Variants in PDK3 observed in about 807,000 individuals in gnomAD.
PDK3 encodes the protein pyruvate dehydrogenase kinase 3.
Under a neutral mutation model 32.0 loss-of-function variants are expected in PDK3, and 12 were observed. The ratio of observed to expected loss-of-function variants is 0.37; its 90% CI spans 0.24 to 0.61. The LOEUF (loss-of-function observed/expected upper bound fraction) is 0.61, where lower values mean the gene tolerates loss of function less well. PDK3 is among the 20% of genes least tolerant of loss of function. The pLI, the probability that PDK3 is intolerant of heterozygous loss-of-function variation, is 0.65. For synonymous variants in PDK3, 122 were observed against 116.3 expected, an observed-to-expected ratio of 1.05 and a Z score of -0.31; for missense variants, 188 against 316.9, an observed-to-expected ratio of 0.59 and a Z score of 3.09.
chrX:24,537,390 C>T (rs1471465261), downstream of PDK3, among the ~76,000 whole-genome samples: 1 of 106,204 alleles, frequency 9.4e-6, no homozygotes, highest in African/African-American at 3.4e-5. Flanking sequence ...GCCTTGGCCT[C>T]CCAAAGTGCT....
chrX:24,465,945 A>G (rs1940060014), intron 1 of PDK3, among the ~76,000 whole-genome samples: 1 of 110,853 alleles, frequency 9.0e-6, no homozygotes, highest in Non-Finnish European at 1.9e-5. Context: ...TTGGGTAAGA[A>G]CTGTTTAGAA....
chrX:24,499,153 C>T (rs761400192), intron 3 of PDK3: 61 of 205,996 alleles, frequency 3.0e-4, no homozygotes, highest in African/African-American at 1.7e-3. Context: ...CCAAGGTGAA[C>T]TGGGCAGTCA....
At chrX:24,497,482 C>T (rs887651841) in intron 2 of PDK3, among the ~76,000 whole-genome samples, 2 of 111,629 alleles carry the variant, frequency 1.8e-5, no homozygotes, top group African/African-American at 3.3e-5. Flanking sequence ...GACGGGGTTT[C>T]GCCATGTTGG....
intron 2 of PDK3, among the ~76,000 whole-genome samples, chrX:24,496,489 T>G (rs1921704411): frequency 9.2e-6 from 1 of 109,168 alleles, no homozygotes; most frequent in Non-Finnish European, 1.9e-5. Context: ...TTGGGAAATT[T>G]AACATTGATA....
chrX:24,472,678 T>TC (rs1836004116), intron 1 of PDK3, among the ~76,000 whole-genome samples: 1 of 44,610 alleles, frequency 2.2e-5, no homozygotes, highest in Admixed American at 2.2e-4. Flanking sequence ...TTTCTTTCTT[T>TC]TTTTTTTTTT....
chrX:24,472,744 A>G (rs1476559387), intron 1 of PDK3, among the ~76,000 whole-genome samples: 5 of 88,590 alleles, frequency 5.6e-5, no homozygotes, highest in African/African-American at 2.3e-4. Flanking sequence ...CTGGAGTGCA[A>G]TGGTGCGATC....
chrX:24,475,521 T>G (rs1182718227), intron 1 of PDK3, among the ~76,000 whole-genome samples: 1 of 110,287 alleles, frequency 9.1e-6, no homozygotes, highest in Non-Finnish European at 1.9e-5. Flanking sequence ...TATCCAGGCA[T>G]AGTGGTGCAC....
chrX:24,548,177 T>C (rs1470934253), exon 12 of PDK3: 1 of 112,093 alleles, frequency 8.9e-6, no homozygotes. Context: ...AGTATTGTAA[T>C]CTCAGGAACA....
At chrX:24,503,552 A>G (rs374002799) in intron 4 of PDK3, 41 bp downstream of exon 4, 196 of 940,104 alleles carry the variant, frequency 2.1e-4, no homozygotes, top group Non-Finnish European at 2.6e-4. Context: ...AAAGGTAACC[A>G]TAGTGATTTC....
At chrX:24,495,217 T>G (rs189810153) in intron 2 of PDK3, among the ~76,000 whole-genome samples, 4 of 112,420 alleles carry the variant, frequency 3.6e-5, no homozygotes, top group African/African-American at 1.3e-4. Context: ...TGTAAAGACA[T>G]TCCTTGAAGT....
chrX:24,520,796 A>G (rs750256004), intron 6 of PDK3, among the ~76,000 whole-genome samples: 1 of 112,304 alleles, frequency 8.9e-6, no homozygotes, highest in Non-Finnish European at 1.9e-5. Flanking sequence ...GTAACTTACC[A>G]TAATTTATTT....
At chrX:24,513,061 G>A (rs1029287844) in intron 5 of PDK3, among the ~76,000 whole-genome samples, 1 of 111,193 alleles carries the variant, frequency 9.0e-6, no homozygotes, top group Non-Finnish European at 1.9e-5. Context: ...TTTTGCCCAC[G>A]ATCTTGATTC....
At chrX:24,537,440 T>A (rs1374037118), downstream of PDK3, among the ~76,000 whole-genome samples, 1 of 109,777 alleles carries the variant, frequency 9.1e-6, no homozygotes, top group African/African-American at 3.3e-5. Flanking sequence ...GCCCTGTTTC[T>A]TTTTAATCAG....
intron 1 of PDK3, among the ~76,000 whole-genome samples, chrX:24,467,876 A>G (rs1034721052): frequency 1.8e-5 from 2 of 111,843 alleles, no homozygotes; most frequent in African/African-American, 6.5e-5. Context: ...CAACGAGTTG[A>G]GGACCGTGAT....
intron 3 of PDK3, 161 bp downstream of exon 3, chrX:24,499,061 C>G: frequency 3.0e-6 from 1 of 336,209 alleles, no homozygotes; most frequent in Non-Finnish European, 5.2e-6. Flanking sequence ...TTTTTTAATT[C>G]GAGCTAAGAA....
At chrX:24,540,843 TAAA>T (rs199895709) in exon 12 of PDK3, among the ~76,000 whole-genome samples, 1 of 70,745 alleles carries the variant, frequency 1.4e-5, no homozygotes, top group Non-Finnish European at 2.6e-5. Flanking sequence ...ATAAAAGATG[TAAA>T]AAAAAAAAAA....
At chrX:24,542,000 G>A (rs960725807) in exon 12 of PDK3, among the ~76,000 whole-genome samples, 11 of 112,199 alleles carry the variant, frequency 9.8e-5, no homozygotes, top group South Asian at 3.7e-4. Flanking sequence ...TTCATAAATA[G>A]TAGGTGAATC....
At chrX:24,467,070 A>G (rs183647151) in intron 1 of PDK3, among the ~76,000 whole-genome samples, 408 of 112,299 alleles carry the variant, frequency 3.6e-3, no homozygotes, top group Admixed American at 9.9e-3. Context: ...TGATTTCCAT[A>G]GCAGCTAGTG....
At chrX:24,498,755 G>A in intron 2 of PDK3, 74 bp from the exon 3 acceptor site, 1 of 562,178 alleles carries the variant, frequency 1.8e-6, no homozygotes, top group African/African-American at 2.4e-5. Flanking sequence ...TTAGGAAGAG[G>A]GAGAGGAGGG....
Sources: gnomAD v4.1 joint callset for allele counts (sites outside exome capture counted in the v4.1 genomes callset) on GRCh38, gnomAD v4.1.1 for gene constraint, MANE v1.5 for transcripts, NCBI Gene and HGNC (gene_info 2026-07-23, HGNC 2026-07-21) for gene names.